Variants in EPB41L2 observed in about 807,000 individuals in gnomAD.
The protein encoded by EPB41L2 is erythrocyte membrane protein band 4.1 like 2, also known as band 4.1-like protein 2.
Under a neutral mutation model 113.0 loss-of-function variants are expected in EPB41L2, and 43 were observed. The observed-to-expected ratio is 0.38, with a 90% CI of 0.30 to 0.49. EPB41L2 has a LOEUF of 0.49. Among genes scored for constraint, EPB41L2 ranks in the 20% least tolerant of loss-of-function variants. The pLI, the probability that EPB41L2 is intolerant of heterozygous loss-of-function variation, is 0.95. For synonymous variants in EPB41L2, 442 were observed against 436.7 expected (o/e 1.01, Z -0.15); for missense variants, 1,147 against 1,223.4 (o/e 0.94, Z 0.93).
At chr6:130,914,199 T>C (rs1433731962) in intron 4 of EPB41L2, among the ~76,000 whole-genome samples, 1 of 152,222 alleles carries the variant, frequency 6.6e-6, no homozygotes, top group African/African-American at 2.4e-5. Context: ...GCCTGAAGAA[T>C]AAATATGCAT....
At chr6:130,856,450 T>C (rs1780231601) in intron 19 of EPB41L2, among the ~76,000 whole-genome samples, 1 of 152,314 alleles carries the variant, frequency 6.6e-6, no homozygotes, top group East Asian at 1.9e-4. Context: ...TGTATTTTCA[T>C]AGAAGAGAAA....
At chr6:130,980,016 G>GA (rs1779030806) in intron 1 of EPB41L2, among the ~76,000 whole-genome samples, 1 of 152,190 alleles carries the variant, frequency 6.6e-6, no homozygotes, top group Non-Finnish European at 1.5e-5. Flanking sequence ...AGCATTAAGA[G>GA]AAAGGAAAAC....
chr6:131,027,440 T>G (rs904983105), intron 1 of EPB41L2, among the ~76,000 whole-genome samples: 1 of 152,006 alleles, frequency 6.6e-6, no homozygotes. Context: ...GGCCCCAACA[T>G]AGCTGTTATA....
intron 19 of EPB41L2, among the ~76,000 whole-genome samples, chr6:130,851,687 C>T (rs1334170077): frequency 6.6e-6 from 1 of 152,214 alleles, no homozygotes; most frequent in Non-Finnish European, 1.5e-5. Flanking sequence ...CACACTGAAA[C>T]AGCTCTGACA....
intron 3 of EPB41L2, among the ~76,000 whole-genome samples, chr6:130,939,118 T>C (rs1273289486): frequency 6.6e-6 from 1 of 152,106 alleles, no homozygotes; most frequent in Non-Finnish European, 1.5e-5. Context: ...CAGAGGAGAC[T>C]AAAAATCCCT....
intron 1 of EPB41L2, among the ~76,000 whole-genome samples, chr6:130,984,698 T>A (rs1483981996): frequency 6.6e-6 from 1 of 152,210 alleles, no homozygotes; most frequent in Admixed American, 6.5e-5. Context: ...TACCAACACA[T>A]ATACCAGGTT....
chr6:130,941,168 C>A (rs1339081691), intron 3 of EPB41L2, among the ~76,000 whole-genome samples: 1 of 152,024 alleles, frequency 6.6e-6, no homozygotes, highest in African/African-American at 2.4e-5. Context: ...AATATGACTT[C>A]CTTAACTTCT....
At chr6:130,855,195 C>T (rs1016221323) in intron 19 of EPB41L2, among the ~76,000 whole-genome samples, 11 of 151,738 alleles carry the variant, frequency 7.2e-5, no homozygotes, top group Admixed American at 5.9e-4. Context: ...CTAAAAAATA[C>T]AAAAATTAGC....
chr6:130,958,899 A>C (rs1346009213), intron 1 of EPB41L2, among the ~76,000 whole-genome samples: 1 of 152,240 alleles, frequency 6.6e-6, no homozygotes, highest in East Asian at 1.9e-4. Flanking sequence ...TAAGATTCTC[A>C]TTTCACTTAG....
intron 8 of EPB41L2, among the ~76,000 whole-genome samples, chr6:130,895,477 C>T (rs1388236981): frequency 1.3e-5 from 2 of 152,144 alleles, no homozygotes; most frequent in South Asian, 4.1e-4. Context: ...ATGAGCTTTT[C>T]CCGTAGGCTA....
At chr6:130,890,529 A>C (rs1792501534) in intron 10 of EPB41L2, 63 bp from the exon 11 acceptor site, 3 of 1,526,722 alleles carry the variant, frequency 2.0e-6, no homozygotes, top group Non-Finnish European at 2.6e-6. Flanking sequence ...GACTTTACGG[A>C]ATTTTTTAAA....
Position 130,867,775 on chromosome 6 carries a change from C to T in EPB41L2, c.2608-194G>A, listed in dbSNP as rs754233889. On this transcript the variant is annotated intron_variant, in intron 15 of 19. Coordinates refer to ENST00000337057, the MANE Select transcript of EPB41L2 (RefSeq NM_001431.4). ...TTTTCCTTCAAATATATCATATATA[C>T]ACATACATACATGTGCACATAGATA... is the stretch of plus-strand genomic sequence containing the variant. 14 of 583,486 alleles carry T rather than the reference C, an allele frequency of 2.4e-5. No individual in the cohort carries two copies. In the Middle Eastern group the frequency reaches 1.9e-3, roughly 80 times the overall value. 36.1% of individuals were successfully genotyped at this position (583,486 alleles called of 1,614,324 possible).
chr6:130,968,810 T>A (rs969864245), intron 1 of EPB41L2, among the ~76,000 whole-genome samples: 2 of 151,438 alleles, frequency 1.3e-5, no homozygotes, highest in Non-Finnish European at 2.9e-5. Flanking sequence ...GAACTTCAAA[T>A]AACTATTTTT....
At chr6:131,038,702 T>C (rs1029504246) in intron 1 of EPB41L2, among the ~76,000 whole-genome samples, 1 of 152,162 alleles carries the variant, frequency 6.6e-6, no homozygotes, top group African/African-American at 2.4e-5. Context: ...AGAGAAGAAA[T>C]GGTTTTTCAA....
At position 130,867,510 on chromosome 6, in the gene EPB41L2, T is replaced by G; in HGVS notation, c.2679A>C (p.Glu893Asp). The G allele has an allele frequency of 1.2e-6, 2 of 1,614,044 alleles. No individual in the cohort carries two copies. The highest frequency in any genetic ancestry group is 1.7e-6 in the Non-Finnish European group (2 of 1,179,930). ...TGGTCTCAGTTTGGACAATGGGGAC[T>G]TCCTTGGTGGAGATTTCTGTCCTTT... ...ASQRTEISTKEVPIVQTETKT... is the reference protein window; with the variant it reads ...ASQRTEISTKDVPIVQTETKT... Residue 893 changes from glutamate (E) to aspartate (D), a missense_variant, in exon 16 of 20, where the codon GAA becomes GAC. Physicochemically the swap from Glu to Asp is conservative, Grantham distance 45. Coordinates refer to ENST00000337057, the MANE Select transcript of EPB41L2 (RefSeq NM_001431.4).
At chr6:130,872,425 G>A (rs1053567325) in intron 14 of EPB41L2, 22 of 1,289,362 alleles carry the variant, frequency 1.7e-5, no homozygotes, top group Non-Finnish European at 1.5e-5. Context: ...GTGCATTAGC[G>A]CTCACAACAG....
At chr6:131,025,220 G>A (rs1041921250) in intron 1 of EPB41L2, among the ~76,000 whole-genome samples, 2 of 152,002 alleles carry the variant, frequency 1.3e-5, no homozygotes, top group Non-Finnish European at 2.9e-5. Context: ...CGGTATGACT[G>A]GGACAAATGA....
intron 1 of EPB41L2, among the ~76,000 whole-genome samples, chr6:131,006,176 C>A (rs1260483399): frequency 6.6e-6 from 1 of 151,696 alleles, no homozygotes; most frequent in East Asian, 2.0e-4. Context: ...CATGCCTCAG[C>A]CTCCTGAGTA....
intron 1 of EPB41L2, among the ~76,000 whole-genome samples, chr6:130,986,710 C>G (rs191696547): frequency 7.9e-5 from 12 of 151,864 alleles, no homozygotes. Context: ...CTCAGCCTCC[C>G]GAGTAGCTGA....
Sources: allele counts gnomAD v4.1 joint callset (sites outside exome capture counted in the v4.1 genomes callset), GRCh38; gene constraint gnomAD v4.1.1; transcripts MANE v1.5; gene names NCBI Gene and HGNC (gene_info 2026-07-23, HGNC 2026-07-21).